The following SFMBT2 variants were observed in gnomAD, a reference collection of about 807,000 sequenced individuals.
SFMBT2 encodes the protein scm-like with four MBT domains protein 2.
Under a neutral mutation model 110.1 loss-of-function variants are expected in SFMBT2, and 38 were observed. The observed-to-expected ratio is 0.35, with a 90% CI of 0.27 to 0.45. The LOEUF is 0.45. SFMBT2 is among the 20% of genes least tolerant of loss of function. SFMBT2 has a pLI of 1.00. For missense variants in SFMBT2, 1,011 were observed against 1,094.9 expected (o/e 0.92, Z 1.08); for synonymous variants, 425 against 425.4 (o/e 1.00, Z 0.01).
chr10:7,406,961 T>G (rs1846228271), intron 1 of SFMBT2, among the ~76,000 whole-genome samples: 2 of 146,866 alleles, frequency 1.4e-5, no homozygotes, highest in Non-Finnish European at 3.1e-5. Context: ...CAGTAAACTC[T>G]TTGGTGGGGA....
intron 7 of SFMBT2, among the ~76,000 whole-genome samples, chr10:7,255,215 T>G (rs976764548): frequency 6.6e-6 from 1 of 152,234 alleles, no homozygotes; most frequent in African/African-American, 2.4e-5. Flanking sequence ...TCCTGGGTCC[T>G]GAAGACAATT....
intron 4 of SFMBT2, among the ~76,000 whole-genome samples, chr10:7,294,393 A>G (rs943073877): frequency 6.6e-6 from 1 of 152,202 alleles, no homozygotes; most frequent in Non-Finnish European, 1.5e-5. Context: ...TAACAGTAGG[A>G]CTGGGCAGAA....
At chr10:7,213,638 C>T (rs34194460) in intron 11 of SFMBT2, among the ~76,000 whole-genome samples, 35,996 of 151,092 alleles carry the variant, frequency 0.24, 4,809 homozygotes, top group South Asian at 0.37. Context: ...ATGCTGCTGC[C>T]ACGTGGAGAT....
intron 4 of SFMBT2, among the ~76,000 whole-genome samples, chr10:7,343,152 C>T (rs1843984924): frequency 6.6e-6 from 1 of 151,998 alleles, no homozygotes; most frequent in Non-Finnish European, 1.5e-5. Context: ...GTTTTCTGTT[C>T]CTGCATTAGT....
At chr10:7,167,894 G>C (rs941443611) in intron 20 of SFMBT2, among the ~76,000 whole-genome samples, 1 of 152,066 alleles carries the variant, frequency 6.6e-6, no homozygotes, top group Non-Finnish European at 1.5e-5. Context: ...AGAGCAATAG[G>C]GCAGAACTCT....
chr10:7,352,678 GA>G (rs1235406488), intron 4 of SFMBT2, among the ~76,000 whole-genome samples: 1 of 152,172 alleles, frequency 6.6e-6, no homozygotes, highest in Admixed American at 6.5e-5. Context: ...GCCAAGGAGT[GA>G]AACAGTCAAC....
intron 1 of SFMBT2, among the ~76,000 whole-genome samples, chr10:7,396,944 T>C (rs946220442): frequency 1.3e-5 from 2 of 150,190 alleles, no homozygotes; most frequent in African/African-American, 2.5e-5. Context: ...TTAGGAGATA[T>C]ACCTAATGTA....
In SFMBT2 at chr10:7,349,440, C is replaced by CTTTTCTTT. The variant is rs1554808159; in HGVS notation, c.436+18208_436+18209insAAAGAAAA. 1.3e-4 allele frequency among the ~76,000 whole-genome samples: 6 copies of CTTTTCTTT among 46,888 alleles called. No homozygotes were observed. In the East Asian group the frequency reaches 3.1e-3, roughly 24 times the overall value. The allele number at this position is 46,888 out of a possible 152,430, so 30.8% of individuals were successfully genotyped here. A position where few individuals can be genotyped will look rare whatever the true frequency, so the allele number is the denominator to read the frequency against. On this transcript the variant is annotated intron_variant, in intron 4 of 20. Transcript: ENST00000397167. ...CCCTGACTCTTTTTTCTTTTCTTTT[C>CTTTTCTTT]TTTTTTTTTTTTTTTTTTTTTTTTT...
chr10:7,292,314 G>A lies in SFMBT2; in HGVS notation c.437-6360C>T, dbSNP rs201071543. On this transcript the variant is annotated intron_variant, in intron 4 of 20. Coordinates refer to ENST00000397167, the MANE Select transcript of SFMBT2 (RefSeq NM_001387889.1). ...CCTTGAATGATAAATGGAAGCACCT[G>A]CTCTTACTATTAAGAAAAAAAGATG... 15 of 242,552 alleles carry A rather than the reference G, an allele frequency of 6.2e-5. No individual in the cohort carries two copies. In the East Asian group the frequency reaches 2.5e-3, roughly 40 times the overall value. The allele number at this position is 242,552 out of a possible 1,614,324, so 15.0% of individuals were successfully genotyped here. A position where few individuals can be genotyped will look rare whatever the true frequency, so the allele number is the denominator to read the frequency against.
At chr10:7,289,968 C>T (rs79518940) in intron 4 of SFMBT2, among the ~76,000 whole-genome samples, 11,047 of 152,206 alleles carry the variant, frequency 0.073, 531 homozygotes, top group Non-Finnish European at 0.11. Context: ...TTCTGCAGCA[C>T]GTCTCTCTTC....
At chr10:7,339,003 G>A (rs983491523) in intron 4 of SFMBT2, among the ~76,000 whole-genome samples, 4 of 152,190 alleles carry the variant, frequency 2.6e-5, no homozygotes, top group Non-Finnish European at 4.4e-5. Context: ...ACTTTGGGAG[G>A]CTGAGGTGGG....
intron 11 of SFMBT2, among the ~76,000 whole-genome samples, chr10:7,210,923 G>C (rs193076339): frequency 5.3e-5 from 8 of 152,254 alleles, no homozygotes; most frequent in Admixed American, 2.0e-4. Context: ...AGTATGGGGG[G>C]GGTGTGGGGA....
intron 4 of SFMBT2, among the ~76,000 whole-genome samples, chr10:7,328,239 C>T (rs950528875): frequency 1.3e-5 from 2 of 152,214 alleles, no homozygotes; most frequent in Admixed American, 1.3e-4. Flanking sequence ...GACATCTTTG[C>T]ATCTGCTTAT....
intron 7 of SFMBT2, among the ~76,000 whole-genome samples, chr10:7,258,683 C>T (rs1444709101): frequency 6.6e-6 from 1 of 152,170 alleles, no homozygotes; most frequent in Non-Finnish European, 1.5e-5. Context: ...CTGAAAAAAC[C>T]ATCCAGAACC....
intron 16 of SFMBT2, among the ~76,000 whole-genome samples, chr10:7,186,459 C>CATATATAT (rs1554782971): frequency 5.8e-4 from 74 of 126,906 alleles, no homozygotes; most frequent in African/African-American, 2.0e-3. Context: ...CACACACACA[C>CATATATAT]ATATATATAT....
At chr10:7,334,266 C>T (rs979236926) in intron 4 of SFMBT2, among the ~76,000 whole-genome samples, 1 of 152,146 alleles carries the variant, frequency 6.6e-6, no homozygotes, top group Non-Finnish European at 1.5e-5. Context: ...GTGCAGCCTC[C>T]GAGAGGCCAC....
At chr10:7,319,065 G>A (rs912534049) in intron 4 of SFMBT2, among the ~76,000 whole-genome samples, 18 of 152,312 alleles carry the variant, frequency 1.2e-4, no homozygotes, top group South Asian at 1.0e-3. Context: ...TCAGAGACAC[G>A]GAGGCAGAGT....
intron 14 of SFMBT2, among the ~76,000 whole-genome samples, chr10:7,198,381 T>A (rs1187976057): frequency 6.6e-6 from 1 of 152,236 alleles, no homozygotes; most frequent in Admixed American, 6.5e-5. Flanking sequence ...GTGAAAATCT[T>A]CTACACGTGG....
At chr10:7,252,378 G>C (rs535727681) in intron 7 of SFMBT2, among the ~76,000 whole-genome samples, 1 of 152,178 alleles carries the variant, frequency 6.6e-6, no homozygotes, top group Admixed American at 6.5e-5. Flanking sequence ...GCTGCGGACT[G>C]TATTGGAAAT....
Sources: gnomAD v4.1 joint callset for allele counts (sites outside exome capture counted in the v4.1 genomes callset) on GRCh38, gnomAD v4.1.1 for gene constraint, MANE v1.5 for transcripts, NCBI Gene and HGNC (gene_info 2026-07-23, HGNC 2026-07-21) for gene names.